Variants in SATL1 observed in about 807,000 individuals in gnomAD.
The protein encoded by SATL1 is spermidine/spermine N1-acetyl transferase like 1, also known as spermidine/spermine N(1)-acetyltransferase-like protein 1.
A neutral mutation model predicts 51.8 loss-of-function variants in SATL1; 47 were observed. That is an observed-to-expected ratio of 0.91 (90% CI 0.72 to 1.16). SATL1 has a LOEUF of 1.16. Ranked by LOEUF, SATL1 falls within the 50% of genes most tolerant of loss-of-function variation. The probability of loss-of-function intolerance (pLI) is 0.00; values close to 1 mark genes in which losing one functional copy is unlikely to be tolerated. For synonymous variants in SATL1, 176 were observed against 182.4 expected (o/e 0.97, Z 0.28); for missense variants, 520 against 526.4 (o/e 0.99, Z 0.12).
intron 4 of SATL1, among the ~76,000 whole-genome samples, chrX:85,102,520 C>T (rs1394570442): frequency 9.0e-6 from 1 of 111,477 alleles, no homozygotes; most frequent in Non-Finnish European, 1.9e-5. Flanking sequence ...AAATATCTCA[C>T]CGGCCTCTAT....
intron 2 of SATL1, among the ~76,000 whole-genome samples, chrX:85,197,175 G>T (rs1366312119): frequency 1.8e-5 from 2 of 111,419 alleles, no homozygotes; most frequent in Non-Finnish European, 3.8e-5. Flanking sequence ...TTAAATATTT[G>T]GCAAAGTATA....
At chrX:85,114,630 T>C (rs1158876810) in intron 2 of SATL1, among the ~76,000 whole-genome samples, 2 of 112,414 alleles carry the variant, frequency 1.8e-5, no homozygotes, top group Non-Finnish European at 3.7e-5. Flanking sequence ...GTTACCTCTG[T>C]GGGACACAAT....
intron 2 of SATL1, among the ~76,000 whole-genome samples, chrX:85,200,870 A>G (rs993447724): frequency 9.0e-5 from 10 of 110,805 alleles, no homozygotes; most frequent in African/African-American, 3.3e-4. Context: ...CATTTATTGA[A>G]AAAATGTTAC....
intron 3 of SATL1, among the ~76,000 whole-genome samples, chrX:85,106,224 T>A (rs1220771363): frequency 8.9e-6 from 1 of 112,085 alleles, no homozygotes; most frequent in Non-Finnish European, 1.9e-5. Context: ...TTTGATAGGT[T>A]ATCTAATCAT....
rs139929381 is a variant in SATL1, at chrX:85,108,374, G to A, written c.595C>T (p.Gln199Ter). Residue 199 changes from glutamine to a stop codon, truncating the protein, a stop_gained, in exon 3 of 8, where the codon CAA becomes TAA. Transcript: ENST00000644105. LOFTEE classifies it high-confidence loss of function. ...SPPGMWQPGVQQPGISQQVPS... is the reference protein window; with the variant it reads ...SPPGMWQPGV ...ACTTGCTGGCTGATGCCTGGTTGTT[G>A]CACGCCTGGTTGCCACATGCCTGGT... The A allele has an allele frequency of 4.9e-5, 59 of 1,206,397 alleles. No individual in the cohort carries two copies. The African/African-American group carries it at 1.0e-3, about 21-fold the overall frequency.
intron 2 of SATL1, among the ~76,000 whole-genome samples, chrX:85,163,645 T>A (rs4390087): frequency 1.8e-5 from 2 of 111,288 alleles, no homozygotes; most frequent in Admixed American, 9.6e-5. Context: ...TATTTTAGAT[T>A]GTATTAAATT....
At chrX:85,095,872 G>C (rs1267553010) in intron 4 of SATL1, among the ~76,000 whole-genome samples, 1 of 92,568 alleles carries the variant, frequency 1.1e-5, no homozygotes, top group East Asian at 3.7e-4. Flanking sequence ...GGGGACCTGA[G>C]AACACATTAA....
chrX:85,162,147 T>C (rs1233002469), intron 2 of SATL1, among the ~76,000 whole-genome samples: 2 of 111,864 alleles, frequency 1.8e-5, no homozygotes. Flanking sequence ...CCAGAATCTC[T>C]GAGATACAGC....
At chrX:85,183,903 T>C (rs904974507) in intron 2 of SATL1, among the ~76,000 whole-genome samples, 1 of 111,615 alleles carries the variant, frequency 9.0e-6, no homozygotes, top group African/African-American at 3.2e-5. Context: ...TCTAAGTATA[T>C]TTTTAAATTC....
chrX:85,115,941 G>A (rs1358979789), intron 2 of SATL1, among the ~76,000 whole-genome samples: 1 of 111,411 alleles, frequency 9.0e-6, no homozygotes, highest in Non-Finnish European at 1.9e-5. Context: ...CAGCCAGGGG[G>A]AGCAGAGCCA....
intron 2 of SATL1, among the ~76,000 whole-genome samples, chrX:85,170,210 T>C (rs1926943350): frequency 9.0e-6 from 1 of 110,894 alleles, no homozygotes; most frequent in Non-Finnish European, 1.9e-5. Context: ...AAATAATCTG[T>C]ACAACAAACC....
At chrX:85,240,560 A>G (rs757988750) in intron 1 of SATL1, among the ~76,000 whole-genome samples, 1 of 111,421 alleles carries the variant, frequency 9.0e-6, no homozygotes, top group African/African-American at 3.3e-5. Context: ...AGTTTGTACA[A>G]AAAAAGCAGA....
intron 2 of SATL1, among the ~76,000 whole-genome samples, chrX:85,160,770 A>G (rs1247549792): frequency 8.9e-6 from 1 of 111,862 alleles, no homozygotes; most frequent in Non-Finnish European, 1.9e-5. Flanking sequence ...GTTGTCATAC[A>G]TGAGAACGTC....
chrX:85,156,816 TATA>T (rs1926600965), intron 2 of SATL1, among the ~76,000 whole-genome samples: 3 of 287 alleles, frequency 0.01, no homozygotes, highest in African/African-American at 0.029. Flanking sequence ...GTGGAGATTA[TATA>T]TATATATATA....
rs1362100097 is a variant in SATL1 at position 85,168,557 on chromosome X, G to A, written c.-313+55648C>T. On this transcript the variant is annotated intron_variant, in intron 2 of 7. Transcript: ENST00000644105. ...CACAAAAAGAATACGTAGGAATACA[G>A]CTAAGGAGGGAGGTGAAAGATTTCT... 2.7e-5 allele frequency among the ~76,000 whole-genome samples: 3 copies of A among 111,239 alleles called. No individual in the cohort carries two copies. In the East Asian group the frequency reaches 8.5e-4, roughly 31 times the overall value.
At position 85,240,689 on chromosome X, in the gene SATL1, C is replaced by T. The variant is rs183724535; in HGVS notation, c.-435+2899G>A. Among the ~76,000 whole-genome samples, 367 of 110,670 alleles carry T rather than the reference C, an allele frequency of 3.3e-3. 1 individual carries two copies. The highest frequency in any genetic ancestry group is 0.012 in the African/African-American group (354 of 30,424). On this transcript the variant is annotated intron_variant, in intron 1 of 7. Transcript: ENST00000644105. ...ATTCTTTGGGAGTAGGGGGATCCCT[C>T]TCTATCGGTATCATTAATCAACTCA...
chrX:85,092,667 A>G, intron 7 of SATL1, 106 bp from the exon 8 acceptor site: 1 of 727,148 alleles, frequency 1.4e-6, no homozygotes, highest in Non-Finnish European at 1.9e-6. Flanking sequence ...CTATGTGTGA[A>G]TAATACTTCC....
At chrX:85,104,806 G>A (rs1358600331) in intron 3 of SATL1, among the ~76,000 whole-genome samples, 1 of 111,496 alleles carries the variant, frequency 9.0e-6, no homozygotes, top group Non-Finnish European at 1.9e-5. Context: ...TATGTAAATA[G>A]TTATACTGTA....
chrX:85,190,204 G>A (rs962604809), intron 2 of SATL1, among the ~76,000 whole-genome samples: 7 of 111,773 alleles, frequency 6.3e-5, no homozygotes, highest in African/African-American at 2.3e-4. Context: ...TATCAAAAAC[G>A]TTTTTCCTCT....
Sources: allele counts gnomAD v4.1 joint callset (sites outside exome capture counted in the v4.1 genomes callset), GRCh38; gene constraint gnomAD v4.1.1; transcripts MANE v1.5; gene names NCBI Gene and HGNC (gene_info 2026-07-23, HGNC 2026-07-21).